The following RAPGEF3 variants were observed in gnomAD, a reference collection of about 807,000 sequenced individuals.
The protein encoded by RAPGEF3 is 9330170P05Rik.
RAPGEF3 carries 103 observed loss-of-function variants against 129.8 expected under a neutral mutation model. The ratio of observed to expected loss-of-function variants is 0.79; its 90% CI spans 0.68 to 0.93. The LOEUF (loss-of-function observed/expected upper bound fraction) is 0.93. Ranked by LOEUF, RAPGEF3 falls within the 40% of genes least tolerant of loss-of-function variation. The pLI, the probability that RAPGEF3 is intolerant of heterozygous loss-of-function variation, is 0.00. For synonymous variants in RAPGEF3, 436 were observed against 482.6 expected, an observed-to-expected ratio of 0.90 and a Z score of 1.26; for missense variants, 1,117 against 1,207.4, an observed-to-expected ratio of 0.93 and a Z score of 1.11.
At position 47,747,557 on chromosome 12, in the gene RAPGEF3, G is replaced by A. The variant is rs377464139; in HGVS notation, c.1543C>T (p.Arg515Trp). 27 of 1,613,622 alleles carry A rather than the reference G, an allele frequency of 1.7e-5. No individual in the cohort carries two copies. The highest frequency in any genetic ancestry group is 1.9e-5 in the Non-Finnish European group (23 of 1,179,714). The stretch of plus-strand genomic sequence containing the variant: ...TCAAAGCATCACCTGTGGCATCGCC[G>A]CCTCTCTGGCCACTGCTCCCTCAGC... ...NLLREQWPER[R>W]RCHRLENGCG... Residue 515 changes from arginine (R) to tryptophan (W), a missense_variant, in exon 15 of 28, where the codon CGG becomes TGG. Coordinates refer to ENST00000449771, the MANE Select transcript of RAPGEF3 (RefSeq NM_001098531.4).
chr12:47,757,115 G>A (rs764131941), intron 2 of RAPGEF3, among the ~76,000 whole-genome samples: 7 of 152,156 alleles, frequency 4.6e-5, no homozygotes, highest in Admixed American at 2.6e-4. Context: ...GCAACATAGC[G>A]AAACCTGGGT....
In RAPGEF3 at chr12:47,737,568, CATG is replaced by C; in HGVS notation, c.2768_2770del (p.Pro923_Ter924delinsArg). ...TCCAGCTCCAGTCCCAGCCCCTCCT[CATG>C]GCTCCAGCTCTCGGGAGAGGCGGGA... On this transcript the variant is annotated stop_lost and inframe_deletion, in exon 28 of 28. Transcript: ENST00000449771. 3 of 1,611,836 alleles carry C rather than the reference CATG, an allele frequency of 1.9e-6. No individual in the cohort carries two copies. The South Asian group carries it at 3.3e-5, about 18-fold the overall frequency.
At chr12:47,742,989 G>A (rs1208438287) in intron 18 of RAPGEF3, among the ~76,000 whole-genome samples, 3 of 152,202 alleles carry the variant, frequency 2.0e-5, no homozygotes, top group Non-Finnish European at 2.9e-5. Context: ...CTCTCACTGT[G>A]TGAGCTTGAG....
At chr12:47,748,720 A>C in intron 11 of RAPGEF3, 99 bp downstream of exon 11, 1 of 1,075,832 alleles carries the variant, frequency 9.3e-7, no homozygotes, top group Non-Finnish European at 1.4e-6. Flanking sequence ...CTCCATCCAC[A>C]AGTGGCCAGA....
chr12:47,740,416 G>C (rs1592537614), intron 21 of RAPGEF3, 21 bp from the exon 22 acceptor site: 5 of 1,610,938 alleles, frequency 3.1e-6, no homozygotes, highest in Non-Finnish European at 4.2e-6. Context: ...AAGACCCAGA[G>C]ACCCTCAGGG....
rs80097705 is a variant in RAPGEF3 at position 47,740,985 on chromosome 12, A to T, written c.1979T>A (p.Leu660Gln). 5.8e-3 allele frequency: 9,350 copies of T among 1,613,472 alleles called. 427 individuals are homozygous for T. In the African/African-American group the frequency reaches 0.11, roughly 18 times the overall value. The change falls in exon 20 of 28, where the codon CTG (leucine) becomes CAG (glutamine). Residue 660 changes from leucine (L) to glutamine (Q), a missense_variant. This residue lies in a region of RAPGEF3 where 643 missense variants were observed against 673.4 expected (regional missense o/e 0.95). Coordinates refer to ENST00000449771, the MANE Select transcript of RAPGEF3 (RefSeq NM_001098531.4). ...PTVGSAEGLDLVSAKDLAGQL... is the reference protein window; with the variant it reads ...PTVGSAEGLDQVSAKDLAGQL... The stretch of plus-strand genomic sequence containing the variant: ...GCCTGCCAGGTCCTTGGCACTCACC[A>T]GGTCCAGCCCCTCAGCAGAGCCCAC...
Position 47,740,650 on chromosome 12 carries a change from C to A in RAPGEF3, c.2223G>T (p.Leu741=). 6.2e-7 allele frequency: 1 copy of A among 1,613,532 alleles called. No individual in the cohort carries two copies. The highest frequency in any genetic ancestry group is 8.5e-7 in the Non-Finnish European group (1 of 1,179,888). Residue 741 remains leucine, a synonymous_variant, in exon 21 of 28, where the codon CTG becomes CTT. Coordinates refer to ENST00000449771, the MANE Select transcript of RAPGEF3 (RefSeq NM_001098531.4). The part of the protein sequence containing the change: ...RAQLLRKFIK[L]AAHLKEQKNL... The stretch of plus-strand genomic sequence containing the variant: ...ACTGGACAGGGACTCACTGGGCCGC[C>A]AGCTTAATGAACTTCCTGAGCAGCT...
chr12:47,743,298 G>A (rs1440802316), intron 18 of RAPGEF3, among the ~76,000 whole-genome samples: 1 of 152,220 alleles, frequency 6.6e-6, no homozygotes, highest in African/African-American at 2.4e-5. Context: ...CACAGATGGT[G>A]AGCTAAAGGG....
intron 2 of RAPGEF3, among the ~76,000 whole-genome samples, chr12:47,754,549 C>A (rs1190405292): frequency 6.6e-6 from 1 of 152,186 alleles, no homozygotes; most frequent in African/African-American, 2.4e-5. Flanking sequence ...GTTTGCAGTG[C>A]TTCGGTTTCC....
chr12:47,738,783 T>A, intron 24 of RAPGEF3, 29 bp from the exon 25 acceptor site: 1 of 1,569,520 alleles, frequency 6.4e-7, no homozygotes, highest in Non-Finnish European at 8.8e-7. Flanking sequence ...TGTTCATAGG[T>A]CCCCAAACTT....
Position 47,751,028 on chromosome 12 carries a change from G to T in RAPGEF3, c.671+20C>A. On this transcript the variant is annotated intron_variant, in intron 6 of 27. Transcript: ENST00000449771. ...GCTGTGTGAGGCCTGGGGTCACGGG[G>T]TGCAGGGATTCTGACTCACGGCTTT... is the stretch of plus-strand genomic sequence containing the variant. 6.3e-7 allele frequency: 1 copy of T among 1,592,564 alleles called. No individual in the cohort carries two copies. The highest frequency in any genetic ancestry group is 8.5e-7 in the Non-Finnish European group (1 of 1,170,612).
rs1262446810 is a variant in RAPGEF3, at chr12:47,736,406, C to G, written c.*1161G>C. The G allele has an allele frequency of 6.6e-6, 1 of 152,250 alleles. No homozygotes were observed. The highest frequency in any genetic ancestry group is 1.5e-5 in the Non-Finnish European group (1 of 68,064). 9.4% of individuals were successfully genotyped at this position (152,250 alleles called of 1,614,324 possible). On this transcript the variant is annotated 3_prime_UTR_variant, in exon 28 of 28. Coordinates refer to ENST00000449771, the MANE Select transcript of RAPGEF3 (RefSeq NM_001098531.4). ...CTGGCCAGACAAGTGCCTCCTGCTGCCAGGACTCAGGGCAATAGCAAGGCA... is the reference window on the plus strand; with the variant it reads ...CTGGCCAGACAAGTGCCTCCTGCTGGCAGGACTCAGGGCAATAGCAAGGCA...
rs1169537234 is a variant in RAPGEF3 at position 47,738,670 on chromosome 12, C to T, written c.2526+20G>A. 6.3e-7 allele frequency: 1 copy of T among 1,580,994 alleles called. No homozygotes were observed. The highest frequency in any genetic ancestry group is 8.7e-7 in the Non-Finnish European group (1 of 1,150,060). On this transcript the variant is annotated intron_variant, in intron 25 of 27. Coordinates refer to ENST00000449771, the MANE Select transcript of RAPGEF3 (RefSeq NM_001098531.4). ...CTCCAACCTATGTTAGTAGTGAATG[C>T]CTGCTCTCCCTGGACTCACCATCTT...
intron 1 of RAPGEF3, 149 bp from the exon 2 acceptor site, chr12:47,758,227 G>A (rs1942214791): frequency 7.0e-7 from 1 of 1,435,830 alleles, no homozygotes; most frequent in African/African-American, 1.4e-5. Flanking sequence ...CTGGGGGGAG[G>A]AACAGGAAGA....
At chr12:47,738,669 G>A (rs758419471) in intron 25 of RAPGEF3, 21 bp downstream of exon 25, 36 of 1,577,934 alleles carry the variant, frequency 2.3e-5, no homozygotes, top group Middle Eastern at 1.7e-4. Context: ...AGTAGTGAAT[G>A]CCTGCTCTCC....
At chr12:47,743,274 C>G (rs1042410959) in intron 18 of RAPGEF3, among the ~76,000 whole-genome samples, 1 of 152,196 alleles carries the variant, frequency 6.6e-6, no homozygotes, top group Non-Finnish European at 1.5e-5. Flanking sequence ...GATGAAGTAC[C>G]CTGCCAGAGG....
At chr12:47,757,552 G>C (rs992990398) in intron 2 of RAPGEF3, among the ~76,000 whole-genome samples, 1 of 152,048 alleles carries the variant, frequency 6.6e-6, no homozygotes, top group African/African-American at 2.4e-5. Context: ...ACCTCCACCT[G>C]GAAAGAACAC....
At position 47,749,605 on chromosome 12, in the gene RAPGEF3, C is replaced by T. The variant is rs1056279389; in HGVS notation, c.895-69G>A. ...CGCCCCCAGCTCTTGCCAGGACAGA[C>T]CCACGGCAGGAGAACAACCCACACA... is the stretch of plus-strand genomic sequence containing the variant. On this transcript the variant is annotated intron_variant, in intron 9 of 27. Coordinates refer to ENST00000449771, the MANE Select transcript of RAPGEF3 (RefSeq NM_001098531.4). The surrounding 1 kb of genome is among the most constrained non-coding windows in gnomAD (Gnocchi z 4.5). 1.3e-6 allele frequency: 2 copies of T among 1,554,682 alleles called. No homozygotes were observed. The highest frequency in any genetic ancestry group is 2.7e-5 in the African/African-American group (2 of 73,414).
intron 2 of RAPGEF3, among the ~76,000 whole-genome samples, chr12:47,757,472 C>T (rs1942143386): frequency 6.6e-6 from 1 of 152,128 alleles, no homozygotes; most frequent in East Asian, 1.9e-4. Context: ...AATGTTGCCA[C>T]GGTGATGCAC....
Sources: allele counts gnomAD v4.1 joint callset (sites outside exome capture counted in the v4.1 genomes callset), GRCh38; gene constraint gnomAD v4.1.1; regional missense constraint gnomAD v4.1.1; non-coding constraint Gnocchi (gnomAD v3.1); transcripts MANE v1.5; gene names NCBI Gene and HGNC (gene_info 2026-07-23, HGNC 2026-07-21).